PCOLCE2: variants seen among roughly 807,000 people sequenced by gnomAD.
PCOLCE2 encodes procollagen C-proteinase enhancer 2.
PCOLCE2 carries 42 observed loss-of-function variants against 47.0 expected under a neutral mutation model. That is an observed-to-expected ratio of 0.89 (90% CI 0.70 to 1.16). PCOLCE2 has a LOEUF of 1.16. Among genes scored for constraint, PCOLCE2 ranks in the 50% most tolerant of loss-of-function variants. PCOLCE2 has a pLI of 0.00. For missense variants in PCOLCE2, 500 were observed against 526.1 expected (o/e 0.95, Z 0.49); for synonymous variants, 169 against 191.7 (o/e 0.88, Z 0.98).
At chr3:142,844,177 T>C (rs567300434) in intron 3 of PCOLCE2, among the ~76,000 whole-genome samples, 2 of 152,344 alleles carry the variant, frequency 1.3e-5, no homozygotes, top group Non-Finnish European at 2.9e-5. Flanking sequence ...ACCACACTCC[T>C]ATGATGATAT....
intron 2 of PCOLCE2, among the ~76,000 whole-genome samples, chr3:142,853,477 C>G (rs986297056): frequency 3.9e-5 from 6 of 152,142 alleles, no homozygotes; most frequent in African/African-American, 1.4e-4. Flanking sequence ...CTGTTGCATC[C>G]CCAGGATCTG....
rs1343296854 is a variant in PCOLCE2, at chr3:142,829,851, AAAAAG to A, written c.711-10_711-6del. The A allele has an allele frequency of 5.9e-6, 9 of 1,535,860 alleles. No individual in the cohort carries two copies. The highest frequency in any genetic ancestry group is 7.9e-6 in the Non-Finnish European group (9 of 1,133,616). On this transcript the variant is annotated splice_region_variant and splice_polypyrimidine_tract_variant and intron_variant, in intron 5 of 8. Coordinates refer to ENST00000295992, the MANE Select transcript of PCOLCE2 (RefSeq NM_013363.4). Reference sequence around the variant, plus strand: ...TTTCTCTCAGACACAATTGGCCTAAAAAAAGAAAAATGTGTTTTTTTATAAATACT... The same window carrying A: ...TTTCTCTCAGACACAATTGGCCTAAAAAAAATGTGTTTTTTTATAAATACT...
Position 142,818,243 on chromosome 3 carries a change from T to G in PCOLCE2, c.*92A>C. On this transcript the variant is annotated 3_prime_UTR_variant, in exon 9 of 9. Coordinates refer to ENST00000295992, the MANE Select transcript of PCOLCE2 (RefSeq NM_013363.4). Reference sequence around the variant, plus strand: ...TCTTTCGGAATCCTCTTTCAGAATATGTAATTTTATAAGTATTTTTTTTTC... The same window carrying G: ...TCTTTCGGAATCCTCTTTCAGAATAGGTAATTTTATAAGTATTTTTTTTTC... 1.6e-6 allele frequency: 2 copies of G among 1,222,354 alleles called. No individual in the cohort carries two copies. Among genetic ancestry groups the G allele is most frequent in the Non-Finnish European group, 2.4e-6 (2 of 846,770 alleles). 75.7% of individuals were successfully genotyped at this position (1,222,354 alleles called of 1,614,324 possible).
intron 7 of PCOLCE2, among the ~76,000 whole-genome samples, chr3:142,822,845 T>C (rs9841007): frequency 0.34 from 52,114 of 151,974 alleles, 11,145 homozygotes; most frequent in African/African-American, 0.62. Context: ...TTTGGGGAAA[T>C]GTATTTAGGC....
intron 2 of PCOLCE2, among the ~76,000 whole-genome samples, chr3:142,886,219 C>T (rs759593405): frequency 1.8e-4 from 28 of 152,180 alleles, no homozygotes; most frequent in South Asian, 4.1e-4. Context: ...TTTCACTGGA[C>T]GTGCCCCCCA....
chr3:142,836,582 T>C (rs1409566125), intron 5 of PCOLCE2, among the ~76,000 whole-genome samples: 1 of 152,260 alleles, frequency 6.6e-6, no homozygotes, highest in Non-Finnish European at 1.5e-5. Flanking sequence ...TTAGTGTTTA[T>C]TCTATAAAGT....
intron 5 of PCOLCE2, 71 bp from the exon 6 acceptor site, chr3:142,829,917 T>G: frequency 1.2e-6 from 1 of 863,558 alleles, no homozygotes; most frequent in Non-Finnish European, 1.8e-6. Flanking sequence ...TAAAATTTTC[T>G]AGTTTTCCAT....
At chr3:142,879,817 A>C (rs1933572811) in intron 2 of PCOLCE2, among the ~76,000 whole-genome samples, 1 of 151,976 alleles carries the variant, frequency 6.6e-6, no homozygotes, top group Non-Finnish European at 1.5e-5. Context: ...AAAAATACAA[A>C]AAATTAGGCA....
intron 2 of PCOLCE2, among the ~76,000 whole-genome samples, chr3:142,886,548 C>T (rs56331970): frequency 0.12 from 18,913 of 152,140 alleles, 1,405 homozygotes; most frequent in South Asian, 0.19. Flanking sequence ...TGGCATTTTA[C>T]AAGAGGCCGT....
chr3:142,852,925 G>A (rs1414177398), intron 2 of PCOLCE2, among the ~76,000 whole-genome samples: 1 of 151,356 alleles, frequency 6.6e-6, no homozygotes, highest in Non-Finnish European at 1.5e-5. Context: ...GGCAACATAG[G>A]GAGATCGTGT....
chr3:142,855,561 C>T (rs1302149871), intron 2 of PCOLCE2, among the ~76,000 whole-genome samples: 3 of 152,152 alleles, frequency 2.0e-5, no homozygotes, highest in African/African-American at 4.8e-5. Context: ...CTGACTGTGG[C>T]AGAGGCTGAG....
At chr3:142,862,055 G>T (rs79697336) in intron 2 of PCOLCE2, among the ~76,000 whole-genome samples, 1 of 152,124 alleles carries the variant, frequency 6.6e-6, no homozygotes, top group Non-Finnish European at 1.5e-5. Flanking sequence ...GACCTCTTCT[G>T]CTAGGCTTGC....
At chr3:142,880,254 C>A (rs1329094288) in intron 2 of PCOLCE2, among the ~76,000 whole-genome samples, 1 of 150,228 alleles carries the variant, frequency 6.7e-6, no homozygotes, top group Non-Finnish European at 1.5e-5. Flanking sequence ...AAAAAAAAGC[C>A]CACAGTTAAG....
At chr3:142,849,295 AAAC>A (rs1217143965) in intron 2 of PCOLCE2, among the ~76,000 whole-genome samples, 1 of 152,192 alleles carries the variant, frequency 6.6e-6, no homozygotes, top group Non-Finnish European at 1.5e-5. Context: ...TTGGGTCCTG[AAAC>A]ATCCAGATGA....
intron 5 of PCOLCE2, among the ~76,000 whole-genome samples, chr3:142,832,149 A>C (rs1937158402): frequency 6.6e-6 from 1 of 152,022 alleles, no homozygotes; most frequent in Non-Finnish European, 1.5e-5. Context: ...ACCAAACACC[A>C]TGTCCTGCCA....
intron 2 of PCOLCE2, among the ~76,000 whole-genome samples, chr3:142,880,105 C>T (rs1933582961): frequency 6.8e-6 from 1 of 147,752 alleles, no homozygotes; most frequent in Middle Eastern, 4.0e-3. Context: ...CTTGGATATG[C>T]AAACATTTTC....
chr3:142,882,297 C>A (rs1302592727), intron 2 of PCOLCE2, among the ~76,000 whole-genome samples: 1 of 152,118 alleles, frequency 6.6e-6, no homozygotes, highest in African/African-American at 2.4e-5. Context: ...TCTTCCTCCT[C>A]GGCCTCCCAA....
chr3:142,858,343 G>A (rs1933110560), intron 2 of PCOLCE2, among the ~76,000 whole-genome samples: 1 of 152,226 alleles, frequency 6.6e-6, no homozygotes, highest in African/African-American at 2.4e-5. Context: ...CACAATGCAG[G>A]TGAAGATGGA....
chr3:142,887,162 C>CA (rs992921945), intron 2 of PCOLCE2: 1 of 152,194 alleles, frequency 6.6e-6, no homozygotes, highest in Admixed American at 6.6e-5. Context: ...TCCCACCCCC[C>CA]CATTCTCTAT....
Sources: allele counts gnomAD v4.1 joint callset (sites outside exome capture counted in the v4.1 genomes callset), GRCh38; gene constraint gnomAD v4.1.1; transcripts MANE v1.5; gene names NCBI Gene and HGNC (gene_info 2026-07-23, HGNC 2026-07-21).